Variants in BBX observed in about 807,000 individuals in gnomAD.
BBX encodes BBX high mobility group box domain containing.
In BBX, 30 loss-of-function variants were observed where a neutral mutation model predicts 100.2. That is an observed-to-expected ratio of 0.30 (90% CI 0.22 to 0.41). The LOEUF is 0.41. BBX is among the 10% of genes least tolerant of loss of function. The probability of loss-of-function intolerance (pLI) is 1.00; values close to 1 mark genes in which losing one functional copy is unlikely to be tolerated. For synonymous variants in BBX, 376 were observed against 388.1 expected, an observed-to-expected ratio of 0.97 and a Z score of 0.37; for missense variants, 1,023 against 1,129.8, an observed-to-expected ratio of 0.91 and a Z score of 1.35.
chr3:107,559,311 A>G (rs1576303455), intron 2 of BBX, among the ~76,000 whole-genome samples: 1 of 152,218 alleles, frequency 6.6e-6, no homozygotes, highest in African/African-American at 2.4e-5. Context: ...GGAAGCAATC[A>G]ATGTGTAGGA....
chr3:107,776,531 G>A (rs768690788), intron 12 of BBX, among the ~76,000 whole-genome samples: 1 of 152,032 alleles, frequency 6.6e-6, no homozygotes, highest in Non-Finnish European at 1.5e-5. Flanking sequence ...TTTAGAACAC[G>A]CCAGTATAAT....
intron 2 of BBX, among the ~76,000 whole-genome samples, chr3:107,547,945 T>C (rs1310209422): frequency 1.3e-5 from 2 of 152,214 alleles, no homozygotes; most frequent in African/African-American, 4.8e-5. Context: ...ACACCTAGAT[T>C]CTAATTGCTG....
chr3:107,638,013 A>G (rs1277938469), intron 2 of BBX, among the ~76,000 whole-genome samples: 1 of 152,114 alleles, frequency 6.6e-6, no homozygotes, highest in African/African-American at 2.4e-5. Context: ...TCCCAGGCTC[A>G]AGCCATCCTC....
At chr3:107,707,685 C>T (rs182694313) in intron 3 of BBX, among the ~76,000 whole-genome samples, 4 of 152,162 alleles carry the variant, frequency 2.6e-5, no homozygotes, top group Admixed American at 6.5e-5. Flanking sequence ...ATGTGAGCTA[C>T]GTGGGAAGAA....
intron 16 of BBX, 148 bp from the exon 17 acceptor site, chr3:107,800,947 C>A (rs2070383936): frequency 2.7e-6 from 2 of 750,402 alleles, no homozygotes; most frequent in East Asian, 5.1e-5. Flanking sequence ...AGAAGAGATT[C>A]TGTAAAAGCC....
chr3:107,642,959 ATTCATGGGGAT>A (rs1393475984), intron 2 of BBX, among the ~76,000 whole-genome samples: 1 of 152,226 alleles, frequency 6.6e-6, no homozygotes, highest in Admixed American at 6.5e-5. Flanking sequence ...AAAAGCAGTC[ATTCATGGGGAT>A]TAAATATTCT....
At chr3:107,671,609 A>G (rs2059023098) in intron 3 of BBX, among the ~76,000 whole-genome samples, 1 of 152,134 alleles carries the variant, frequency 6.6e-6, no homozygotes, top group South Asian at 2.1e-4. Flanking sequence ...GAAGAATGAC[A>G]TGGACAAGGC....
At chr3:107,629,060 G>A (rs565910657) in intron 2 of BBX, among the ~76,000 whole-genome samples, 1,582 of 151,866 alleles carry the variant, frequency 0.01, 24 homozygotes, top group Middle Eastern at 0.017. Context: ...AATTTCTAAG[G>A]TAGTTAGTTA....
intron 3 of BBX, among the ~76,000 whole-genome samples, chr3:107,681,147 A>G (rs1023334158): frequency 2.6e-5 from 4 of 152,194 alleles, no homozygotes; most frequent in African/African-American, 7.2e-5. Context: ...TAAGTAATCA[A>G]CACAAATAGA....
rs553154197 is a variant in BBX at position 107,795,001 on chromosome 3, A to G, written c.2354-3522A>G. On this transcript the variant is annotated intron_variant, in intron 15 of 17. Transcript: ENST00000325805. Reference sequence around the variant, plus strand: ...TGTGTTATGGTTATTGTTTGGGTGTAAAAACTAGCCCAGTGGATTTGTTCT... The same window carrying G: ...TGTGTTATGGTTATTGTTTGGGTGTGAAAACTAGCCCAGTGGATTTGTTCT... Among the ~76,000 whole-genome samples, 18 of 152,348 alleles carry G rather than the reference A, an allele frequency of 1.2e-4. No homozygotes were observed. The South Asian group carries it at 3.7e-3, about 32-fold the overall frequency.
intron 6 of BBX, among the ~76,000 whole-genome samples, chr3:107,732,742 CAA>C (rs1368663152): frequency 2.0e-5 from 3 of 152,146 alleles, no homozygotes; most frequent in Non-Finnish European, 2.9e-5. Flanking sequence ...AATGGTGAGA[CAA>C]GAGTGGTATT....
intron 5 of BBX, among the ~76,000 whole-genome samples, chr3:107,719,088 A>T (rs907301512): frequency 2.0e-5 from 3 of 152,048 alleles, no homozygotes; most frequent in Admixed American, 6.6e-5. Flanking sequence ...AATACTTAAT[A>T]AGTGCCTTCA....
At chr3:107,800,911 T>C (rs1356719451) in intron 16 of BBX, among the ~76,000 whole-genome samples, 184 bp from the exon 17 acceptor site, 1 of 152,248 alleles carries the variant, frequency 6.6e-6, no homozygotes, top group Non-Finnish European at 1.5e-5. Flanking sequence ...GCAACTAAGC[T>C]TAATAAAAGA....
chr3:107,697,656 C>G (rs1006364285), intron 3 of BBX, among the ~76,000 whole-genome samples: 3 of 151,904 alleles, frequency 2.0e-5, no homozygotes, highest in African/African-American at 7.3e-5. Context: ...TTTTGTTTGT[C>G]TGTGCCCTGC....
At chr3:107,778,554 C>T (rs2067519436) in intron 13 of BBX, 35 bp downstream of exon 13, 1 of 1,604,346 alleles carries the variant, frequency 6.2e-7, no homozygotes, top group Admixed American at 1.7e-5. Context: ...GCCATGTGGT[C>T]AGAATCTCAA....
intron 2 of BBX, among the ~76,000 whole-genome samples, chr3:107,552,564 A>G (rs2049787179): frequency 6.6e-6 from 1 of 152,160 alleles, no homozygotes. Flanking sequence ...GGGAAAATAG[A>G]CATTAGGGAC....
chr3:107,660,365 C>A (rs1292541448), intron 3 of BBX, among the ~76,000 whole-genome samples: 1 of 151,870 alleles, frequency 6.6e-6, no homozygotes, highest in African/African-American at 2.4e-5. Context: ...AGAAATTCTT[C>A]AACTTTAGTC....
At chr3:107,732,863 C>G in intron 6 of BBX, 93 bp from the exon 7 acceptor site, 1 of 1,028,416 alleles carries the variant, frequency 9.7e-7, no homozygotes, top group Non-Finnish European at 1.4e-6. Flanking sequence ...TGTTGGATTT[C>G]TGATTGCTAG....
chr3:107,571,527 T>G (rs1261851240), intron 2 of BBX, among the ~76,000 whole-genome samples: 1 of 152,008 alleles, frequency 6.6e-6, no homozygotes, highest in Non-Finnish European at 1.5e-5. Context: ...GATTGAAGGG[T>G]AGCGAGAGAG....
Sources: gnomAD v4.1 joint callset for allele counts (sites outside exome capture counted in the v4.1 genomes callset) on GRCh38, gnomAD v4.1.1 for gene constraint, MANE v1.5 for transcripts, NCBI Gene and HGNC (gene_info 2026-07-23, HGNC 2026-07-21) for gene names.